EYA2: variants seen among roughly 807,000 people sequenced by gnomAD.
EYA2 encodes the protein EYA transcriptional coactivator and phosphatase 2.
A neutral mutation model predicts 69.2 loss-of-function variants in EYA2; 31 were observed. That is an observed-to-expected ratio of 0.45 (90% CI 0.34 to 0.60). EYA2 has a LOEUF of 0.60. Among genes scored for constraint, EYA2 ranks in the 20% least tolerant of loss-of-function variants. EYA2 has a pLI of 0.02. For missense variants in EYA2, 622 were observed against 701.2 expected (o/e 0.89, Z 1.28); for synonymous variants, 257 against 279.4 (o/e 0.92, Z 0.80).
At chr20:46,909,962 G>A (rs547269599) in intron 1 of EYA2, among the ~76,000 whole-genome samples, 7 of 152,064 alleles carry the variant, frequency 4.6e-5, no homozygotes, top group Non-Finnish European at 8.8e-5. Context: ...CTACTATTCT[G>A]CCCTCCACAT....
At chr20:47,114,737 GGGAGGT>G (rs769143993) in intron 9 of EYA2, among the ~76,000 whole-genome samples, 36 of 152,348 alleles carry the variant, frequency 2.4e-4, no homozygotes, top group Non-Finnish European at 4.4e-4. Flanking sequence ...GGGGCCTGGT[GGGAGGT>G]GTTGGGATCA....
intron 7 of EYA2, among the ~76,000 whole-genome samples, chr20:47,087,005 C>T (rs553211632): frequency 1.9e-4 from 29 of 152,252 alleles, no homozygotes; most frequent in Middle Eastern, 3.4e-3. Flanking sequence ...TGCTCTTCAG[C>T]ATCTGTGAAT....
At chr20:47,020,884 T>C (rs1363912750) in intron 5 of EYA2, among the ~76,000 whole-genome samples, 1 of 152,196 alleles carries the variant, frequency 6.6e-6, no homozygotes, top group Non-Finnish European at 1.5e-5. Context: ...TGTTATTCCT[T>C]CCTTAGCATG....
chr20:47,103,393 T>C (rs1204822642), intron 9 of EYA2, among the ~76,000 whole-genome samples: 8 of 152,246 alleles, frequency 5.3e-5, no homozygotes, highest in African/African-American at 1.9e-4. Flanking sequence ...CATGTATCAG[T>C]ACTCCATTCC....
intron 10 of EYA2, among the ~76,000 whole-genome samples, chr20:47,149,580 A>G (rs904307440): frequency 8.6e-5 from 13 of 151,520 alleles, no homozygotes; most frequent in African/African-American, 2.9e-4. Flanking sequence ...ACGATGGCTC[A>G]TGCCTGTAAT....
In EYA2 at chr20:47,098,189, C is replaced by T. The variant is rs920249240; in HGVS notation, c.888+1021C>T. On this transcript the variant is annotated intron_variant, in intron 9 of 15. Coordinates refer to ENST00000327619, the MANE Select transcript of EYA2 (RefSeq NM_005244.5). ...GAAATCTCTTGCCGTGTAGGAATGC[C>T]GTTAATATGTCTAGCAGTGCCTGTG... 7.9e-5 allele frequency among the ~76,000 whole-genome samples: 12 copies of T among 152,058 alleles called. 1 individual carries two copies. The highest frequency in any genetic ancestry group is 2.6e-4 in the Admixed American group (4 of 15,270).
chr20:46,974,041 C>T (rs963996156), intron 1 of EYA2, among the ~76,000 whole-genome samples: 1 of 152,142 alleles, frequency 6.6e-6, no homozygotes, highest in African/African-American at 2.4e-5. Flanking sequence ...ATCTCTGCTA[C>T]TTACCGTTGA....
chr20:47,049,719 G>A (rs8119990), intron 5 of EYA2, among the ~76,000 whole-genome samples: 39,428 of 151,970 alleles, frequency 0.26, 5,506 homozygotes, highest in African/African-American at 0.34. Flanking sequence ...CAGCCTGCAG[G>A]ACCATGAGCC....
chr20:46,959,472 G>A lies in EYA2; in HGVS notation c.-10-30529G>A, dbSNP rs1197784702. On this transcript the variant is annotated intron_variant, in intron 1 of 15. Coordinates refer to ENST00000327619, the MANE Select transcript of EYA2 (RefSeq NM_005244.5). Reference sequence around the variant, plus strand: ...GTGTTCTCTGTGGCAGGGGTGTGGAGTGAAGGGCAGAATCTCCTCTGTTAC... The same window carrying A: ...GTGTTCTCTGTGGCAGGGGTGTGGAATGAAGGGCAGAATCTCCTCTGTTAC... Among the ~76,000 whole-genome samples, 6 of 152,184 alleles carry A rather than the reference G, an allele frequency of 3.9e-5. No homozygotes were observed. The South Asian group carries it at 6.2e-4, about 16-fold the overall frequency.
chr20:46,926,763 T>C (rs920623755), intron 1 of EYA2, among the ~76,000 whole-genome samples: 8 of 152,230 alleles, frequency 5.3e-5, no homozygotes, highest in East Asian at 3.8e-4. Context: ...ACTATATCTC[T>C]TTATAATTTT....
intron 1 of EYA2, among the ~76,000 whole-genome samples, chr20:46,937,987 C>G (rs1230259448): frequency 2.0e-5 from 3 of 152,158 alleles, no homozygotes; most frequent in Non-Finnish European, 4.4e-5. Context: ...CACCACAATC[C>G]TATGAGATCG....
At chr20:46,993,900 G>A (rs1981849062) in intron 2 of EYA2, among the ~76,000 whole-genome samples, 1 of 152,194 alleles carries the variant, frequency 6.6e-6, no homozygotes, top group African/African-American at 2.4e-5. Context: ...AGAGAAGACA[G>A]CAAGTGCAAA....
At chr20:47,116,170 C>CTT (rs138828415) in intron 9 of EYA2, among the ~76,000 whole-genome samples, 252 of 79,944 alleles carry the variant, frequency 3.2e-3, no homozygotes, top group Middle Eastern at 0.01. Flanking sequence ...CATCATCCTT[C>CTT]TTTTTTTTTT....
At chr20:47,168,710 G>A (rs1286759285) in intron 10 of EYA2, among the ~76,000 whole-genome samples, 3 of 152,276 alleles carry the variant, frequency 2.0e-5, no homozygotes, top group Non-Finnish European at 4.4e-5. Flanking sequence ...ATGTAGGCAG[G>A]AGAGCATTTC....
intron 8 of EYA2, among the ~76,000 whole-genome samples, chr20:47,094,536 A>G (rs550661454): frequency 1.3e-5 from 2 of 152,230 alleles, no homozygotes; most frequent in Non-Finnish European, 2.9e-5. Context: ...TATTTCTCTT[A>G]ACTTTCAAAG....
chr20:47,180,988 G>T (rs573455156), intron 14 of EYA2, 52 bp downstream of exon 14: 4 of 1,590,354 alleles, frequency 2.5e-6, no homozygotes. Flanking sequence ...GGTGGGGTTA[G>T]CTTTCCATCC....
intron 1 of EYA2, among the ~76,000 whole-genome samples, chr20:46,945,684 T>G (rs1296472275): frequency 1.3e-5 from 2 of 152,234 alleles, no homozygotes; most frequent in African/African-American, 4.8e-5. Context: ...GGAATCTGCC[T>G]TTCACCTCTG....
At chr20:46,903,254 T>C (rs1984200371) in intron 1 of EYA2, among the ~76,000 whole-genome samples, 1 of 152,172 alleles carries the variant, frequency 6.6e-6, no homozygotes, top group South Asian at 2.1e-4. Context: ...CATGACTTTT[T>C]GAGCTTTCTA....
chr20:47,172,438 T>C (rs756887424), intron 11 of EYA2, among the ~76,000 whole-genome samples: 7 of 152,090 alleles, frequency 4.6e-5, no homozygotes, highest in Non-Finnish European at 7.4e-5. Flanking sequence ...CGCAAGACCC[T>C]GTCTCAAAAA....
Sources: gnomAD v4.1 joint callset for allele counts (sites outside exome capture counted in the v4.1 genomes callset) on GRCh38, gnomAD v4.1.1 for gene constraint, MANE v1.5 for transcripts, NCBI Gene and HGNC (gene_info 2026-07-23, HGNC 2026-07-21) for gene names.